The following TGFBR3 variants were observed in gnomAD, a reference collection of about 807,000 sequenced individuals.
The protein encoded by TGFBR3 is transforming growth factor beta receptor type 3.
TGFBR3 carries 46 observed loss-of-function variants against 87.9 expected under a neutral mutation model. The ratio of observed to expected loss-of-function variants is 0.52; its 90% CI spans 0.41 to 0.67. The LOEUF (loss-of-function observed/expected upper bound fraction) is 0.67. TGFBR3 is among the 30% of genes least tolerant of loss of function. TGFBR3 has a pLI of 0.00. For missense variants in TGFBR3, 866 were observed against 1,041.9 expected (o/e 0.83, Z 2.32); for synonymous variants, 381 against 391.6 (o/e 0.97, Z 0.32).
chr1:91,814,600 T>C (rs2101046027), intron 2 of TGFBR3, among the ~76,000 whole-genome samples: 1 of 152,248 alleles, frequency 6.6e-6, no homozygotes, highest in Non-Finnish European at 1.5e-5. Flanking sequence ...CAGGGACAAA[T>C]TAATATTTAT....
intron 2 of TGFBR3, among the ~76,000 whole-genome samples, chr1:91,858,620 AAAAAAAAAAAAAAC>A (rs1678056720): frequency 1.3e-5 from 2 of 151,232 alleles, no homozygotes; most frequent in South Asian, 4.2e-4. Context: ...CAAAAAAAAA[AAAAAAAAAAAAAAC>A]AAAATTTCCC....
chr1:91,813,151 C>A (rs1676085775), intron 2 of TGFBR3, among the ~76,000 whole-genome samples: 1 of 152,130 alleles, frequency 6.6e-6, no homozygotes, highest in African/African-American at 2.4e-5. Context: ...GTTCTGACTT[C>A]CTTCATGATG....
intron 2 of TGFBR3, among the ~76,000 whole-genome samples, chr1:91,856,718 T>C (rs1677969166): frequency 6.6e-6 from 1 of 152,202 alleles, no homozygotes; most frequent in African/African-American, 2.4e-5. Context: ...GCCCACTACT[T>C]GAGGGTCCTT....
chr1:91,837,850 C>T (rs1176437787), intron 2 of TGFBR3, among the ~76,000 whole-genome samples: 2 of 152,030 alleles, frequency 1.3e-5, no homozygotes, highest in East Asian at 3.8e-4. Context: ...ATTTTACAGG[C>T]CCAAAAAGAA....
At chr1:91,730,524 T>C (rs1201305317) in intron 5 of TGFBR3, among the ~76,000 whole-genome samples, 1 of 152,200 alleles carries the variant, frequency 6.6e-6, no homozygotes, top group African/African-American at 2.4e-5. Context: ...TTCTGAGCAG[T>C]TGACTTATAC....
At chr1:91,895,752 C>G (rs1679539371) in intron 2 of TGFBR3, among the ~76,000 whole-genome samples, 1 of 152,142 alleles carries the variant, frequency 6.6e-6, no homozygotes, top group Non-Finnish European at 1.5e-5. Flanking sequence ...CTTGATTTTT[C>G]AACTGGAAAA....
rs6683175 is a variant in TGFBR3 at position 91,838,746 on chromosome 1, G to A, written c.61+22725C>T. On this transcript the variant is annotated intron_variant, in intron 2 of 16. Transcript: ENST00000212355. ...TGCCTCCCAAAGTGCTGGGATTACA[G>A]GCGTGAGCCACCGCGCCCGGCCGCA... 7.5e-3 allele frequency among the ~76,000 whole-genome samples: 1,134 copies of A among 152,054 alleles called. 16 individuals are homozygous for A. The highest frequency in any genetic ancestry group is 0.026 in the African/African-American group (1,071 of 41,480).
intron 16 of TGFBR3, among the ~76,000 whole-genome samples, chr1:91,684,534 G>A (rs1671025537): frequency 6.6e-6 from 1 of 152,180 alleles, no homozygotes; most frequent in Admixed American, 6.5e-5. Flanking sequence ...GGTTCCCTGT[G>A]GGGTGCAGTG....
chr1:91,821,328 CAAAA>C (rs35313779), intron 2 of TGFBR3, among the ~76,000 whole-genome samples: 10 of 77,570 alleles, frequency 1.3e-4, no homozygotes, highest in Non-Finnish European at 1.7e-4. Context: ...AAGACTGTCT[CAAAA>C]AAAAAAAAAA....
At position 91,767,736 on chromosome 1, in the gene TGFBR3, G is replaced by C. The variant is rs1423085016; in HGVS notation, c.247-8986C>G. On this transcript the variant is annotated intron_variant, in intron 3 of 16. Transcript: ENST00000212355. ...TGGGTGTTAGTCTTGGGACATAGAGGAGAATGGGAAGCTGCTCTATAGCAG... is the reference window on the plus strand; with the variant it reads ...TGGGTGTTAGTCTTGGGACATAGAGCAGAATGGGAAGCTGCTCTATAGCAG... Among the ~76,000 whole-genome samples the C allele has an allele frequency of 1.3e-5, 2 of 149,838 alleles. 1 individual carries two copies. Among genetic ancestry groups the C allele is most frequent in the Non-Finnish European group, 3.0e-5 (2 of 67,468 alleles).
chr1:91,751,261 A>AT (rs1163451690), intron 4 of TGFBR3, among the ~76,000 whole-genome samples: 6 of 152,138 alleles, frequency 3.9e-5, no homozygotes, highest in Non-Finnish European at 7.4e-5. Flanking sequence ...AGAATACAGA[A>AT]TTTTTTTTAA....
At chr1:91,825,926 A>G (rs918425634) in intron 2 of TGFBR3, among the ~76,000 whole-genome samples, 4 of 150,798 alleles carry the variant, frequency 2.7e-5, no homozygotes, top group Non-Finnish European at 4.4e-5. Flanking sequence ...GGTTGCAGTG[A>G]GCCCAGATAG....
chr1:91,815,113 C>A (rs1676169457), intron 2 of TGFBR3, among the ~76,000 whole-genome samples: 1 of 152,060 alleles, frequency 6.6e-6, no homozygotes, highest in Admixed American at 6.6e-5. Context: ...ACTAGCCTGG[C>A]CAACATGGTG....
chr1:91,731,188 T>C (rs1333267327), intron 5 of TGFBR3, among the ~76,000 whole-genome samples: 2 of 152,214 alleles, frequency 1.3e-5, no homozygotes, highest in African/African-American at 4.8e-5. Flanking sequence ...ATGCCAGGGT[T>C]CAAGTCCACA....
At chr1:91,898,591 C>T (rs1333383503) in intron 2 of TGFBR3, among the ~76,000 whole-genome samples, 2 of 152,142 alleles carry the variant, frequency 1.3e-5, no homozygotes, top group Non-Finnish European at 1.5e-5. Flanking sequence ...CGCCCGCCAC[C>T]ACGCCCAGCT....
rs1159167998 is a variant in TGFBR3 at position 91,680,724 on chromosome 1, C to T, written c.*3015G>A. 2.2e-6 allele frequency: 1 copy of T among 454,082 alleles called. No individual in the cohort carries two copies. Among genetic ancestry groups the T allele is most frequent in the Non-Finnish European group, 4.4e-6 (1 of 226,784 alleles). The allele number at this position is 454,082 out of a possible 1,614,324, so 28.1% of individuals were successfully genotyped here. A position where few individuals can be genotyped will look rare whatever the true frequency, so the allele number is the denominator to read the frequency against. ...CTGTTAACACAACCAGCAGTACAATCATCATTCAAACCATGAGGTAGTTAC... is the reference window on the plus strand; with the variant it reads ...CTGTTAACACAACCAGCAGTACAATTATCATTCAAACCATGAGGTAGTTAC... On this transcript the variant is annotated 3_prime_UTR_variant, in exon 17 of 17. Transcript: ENST00000212355.
intron 1 of TGFBR3, among the ~76,000 whole-genome samples, chr1:91,870,230 C>T (rs1303946703): frequency 1.3e-5 from 2 of 152,202 alleles, no homozygotes; most frequent in African/African-American, 4.8e-5. Context: ...AAGAACTCTA[C>T]CAATAGTCCT....
intron 2 of TGFBR3, among the ~76,000 whole-genome samples, chr1:91,821,743 C>T (rs1017374201): frequency 4.3e-4 from 65 of 152,166 alleles, no homozygotes; most frequent in African/African-American, 1.5e-3. Context: ...GGCTTTGAAT[C>T]CTGGTTCTGT....
chr1:91,740,368 A>ATTT (rs780530073), intron 4 of TGFBR3, among the ~76,000 whole-genome samples: 2 of 133,640 alleles, frequency 1.5e-5, no homozygotes, highest in Non-Finnish European at 3.2e-5. Flanking sequence ...TGGGATTACA[A>ATTT]TTTTTTTTTT....
Sources: gnomAD v4.1 joint callset for allele counts (sites outside exome capture counted in the v4.1 genomes callset) on GRCh38, gnomAD v4.1.1 for gene constraint, MANE v1.5 for transcripts, NCBI Gene and HGNC (gene_info 2026-07-23, HGNC 2026-07-21) for gene names.